The following CFAP44 variants were observed in gnomAD, a reference collection of about 807,000 sequenced individuals.
The protein encoded by CFAP44 is cilia- and flagella-associated protein 44.
CFAP44 carries 134 observed loss-of-function variants against 216.2 expected under a neutral mutation model. The ratio of observed to expected loss-of-function variants is 0.62; its 90% CI spans 0.54 to 0.72. CFAP44 has a LOEUF of 0.72. CFAP44 is among the 30% of genes least tolerant of loss of function. CFAP44 has a pLI of 0.00. For synonymous variants in CFAP44, 700 were observed against 727.6 expected (o/e 0.96, Z 0.61); for missense variants, 2,035 against 2,182.1 (o/e 0.93, Z 1.34).
At position 113,314,776 on chromosome 3, in the gene CFAP44, G is replaced by A. The variant is rs563510677; in HGVS notation, c.4517-6508C>T. 1.2e-4 allele frequency among the ~76,000 whole-genome samples: 19 copies of A among 152,250 alleles called. No individual in the cohort carries two copies. The East Asian group carries it at 3.7e-3, about 29-fold the overall frequency. Reference sequence around the variant, plus strand: ...GGAGGGTAAAGGGATGTAATGGTAAGTAAGGTTTTTGTACTTCACTTAAAC... The same window carrying A: ...GGAGGGTAAAGGGATGTAATGGTAAATAAGGTTTTTGTACTTCACTTAAAC... On this transcript the variant is annotated intron_variant, in intron 28 of 34. Transcript: ENST00000393845.
intron 6 of CFAP44, among the ~76,000 whole-genome samples, chr3:113,411,546 T>C (rs1934473039): frequency 6.6e-6 from 1 of 152,228 alleles, no homozygotes; most frequent in African/African-American, 2.4e-5. Flanking sequence ...TTGGTTACTG[T>C]AGCCTTGTAG....
chr3:113,307,390 A>G (rs1213477024), intron 29 of CFAP44, among the ~76,000 whole-genome samples: 2 of 152,224 alleles, frequency 1.3e-5, no homozygotes, highest in African/African-American at 2.4e-5. Flanking sequence ...CAGATAATAA[A>G]TCACCCAGAG....
chr3:113,318,182 G>A (rs886533100), intron 28 of CFAP44, among the ~76,000 whole-genome samples: 2 of 152,012 alleles, frequency 1.3e-5, no homozygotes, highest in African/African-American at 2.4e-5. Flanking sequence ...TCCAAGAGCC[G>A]AAAGATGAAA....
chr3:113,390,912 T>C (rs764586551), intron 15 of CFAP44, among the ~76,000 whole-genome samples: 3 of 152,138 alleles, frequency 2.0e-5, no homozygotes, highest in Non-Finnish European at 4.4e-5. Context: ...AAAATGTCCA[T>C]AGTATCTAAA....
intron 15 of CFAP44, among the ~76,000 whole-genome samples, chr3:113,384,081 C>T (rs914300745): frequency 6.7e-5 from 10 of 149,600 alleles, no homozygotes; most frequent in Non-Finnish European, 1.0e-4. Context: ...TCTTCTGAGA[C>T]GGAGTCTTGC....
At chr3:113,425,646 A>G (rs1346478493) in intron 4 of CFAP44, among the ~76,000 whole-genome samples, 1 of 152,236 alleles carries the variant, frequency 6.6e-6, no homozygotes, top group Non-Finnish European at 1.5e-5. Context: ...GGCACTGACA[A>G]AAGTAAATGG....
At chr3:113,333,604 C>A in intron 24 of CFAP44, 21 bp from the exon 25 acceptor site, 1 of 1,490,632 alleles carries the variant, frequency 6.7e-7, no homozygotes, top group Non-Finnish European at 8.9e-7. Flanking sequence ...AACAGACAAC[C>A]CCCCCACACA....
chr3:113,408,987 C>A (rs1934372953), intron 7 of CFAP44, 119 bp downstream of exon 7: 81 of 619,864 alleles, frequency 1.3e-4, no homozygotes, highest in Admixed American at 2.1e-4. Flanking sequence ...TTAAATAATT[C>A]TAATGTTAAC....
chr3:113,333,656 G>T, intron 24 of CFAP44, 73 bp from the exon 25 acceptor site: 1 of 1,340,064 alleles, frequency 7.5e-7, no homozygotes, highest in Non-Finnish European at 9.6e-7. Flanking sequence ...TTTAATATAG[G>T]CATATATTCA....
At chr3:113,425,572 A>G (rs1386055966) in intron 4 of CFAP44, among the ~76,000 whole-genome samples, 1 of 152,208 alleles carries the variant, frequency 6.6e-6, no homozygotes, top group Non-Finnish European at 1.5e-5. Flanking sequence ...TGAAAGTACT[A>G]ATGCCTTACA....
chr3:113,317,696 G>A (rs939151811), intron 28 of CFAP44, among the ~76,000 whole-genome samples: 3 of 152,216 alleles, frequency 2.0e-5, no homozygotes, highest in Non-Finnish European at 4.4e-5. Context: ...TTGAGCTGGG[G>A]AGGAGCCCTC....
intron 7 of CFAP44, among the ~76,000 whole-genome samples, chr3:113,408,565 A>T (rs1228852204): frequency 1.3e-5 from 2 of 152,208 alleles, no homozygotes; most frequent in East Asian, 3.8e-4. Context: ...AGCAGGCTAT[A>T]TTTAAAAATC....
chr3:113,300,062 C>T (rs917685259), intron 32 of CFAP44, among the ~76,000 whole-genome samples: 2 of 152,118 alleles, frequency 1.3e-5, no homozygotes. Context: ...TTTGCAAGAA[C>T]ATGTATGGAT....
intron 4 of CFAP44, 69 bp downstream of exon 4, chr3:113,426,055 A>G (rs1026874805): frequency 4.9e-5 from 76 of 1,560,382 alleles, no homozygotes; most frequent in Non-Finnish European, 6.2e-5. Flanking sequence ...TCCCTGGGCT[A>G]TAGTTTGCTG....
chr3:113,363,363 G>A, intron 20 of CFAP44, 56 bp from the exon 21 acceptor site: 1 of 1,571,852 alleles, frequency 6.4e-7, no homozygotes, highest in Non-Finnish European at 8.6e-7. Flanking sequence ...AGCAGAGAAA[G>A]AGAAAATTAG....
chr3:113,331,535 C>G (rs1393391202), intron 25 of CFAP44, among the ~76,000 whole-genome samples: 1 of 152,124 alleles, frequency 6.6e-6, no homozygotes, highest in Non-Finnish European at 1.5e-5. Context: ...ACACAGAAAA[C>G]TGTATCAAGA....
chr3:113,381,213 T>A lies in CFAP44; in HGVS notation c.1891-153A>T, dbSNP rs180838428. ...TGCAGTTATTGGTAAAAAGTCAAGT[T>A]TATTAATAATTATTATATTGTCATA... On this transcript the variant is annotated intron_variant, in intron 15 of 34. Coordinates refer to ENST00000393845, the MANE Select transcript of CFAP44 (RefSeq NM_001164496.2). 1.2e-3 allele frequency among the ~76,000 whole-genome samples: 181 copies of A among 152,188 alleles called. 3 individuals carry two copies. Among genetic ancestry groups the A allele is most frequent in the Admixed American group, 0.011 (166 of 15,298 alleles).
intron 32 of CFAP44, among the ~76,000 whole-genome samples, chr3:113,302,948 A>T (rs982891761): frequency 1.3e-5 from 2 of 152,198 alleles, no homozygotes. Flanking sequence ...GTTACAGAAA[A>T]TAAAATAAAT....
intron 22 of CFAP44, among the ~76,000 whole-genome samples, chr3:113,351,295 T>C (rs1019278250): frequency 9.2e-5 from 14 of 152,206 alleles, no homozygotes; most frequent in African/African-American, 2.4e-5. Flanking sequence ...ATTCTAACTC[T>C]AATCTTGAGG....
Sources: allele counts gnomAD v4.1 joint callset (sites outside exome capture counted in the v4.1 genomes callset), GRCh38; gene constraint gnomAD v4.1.1; transcripts MANE v1.5; gene names NCBI Gene and HGNC (gene_info 2026-07-23, HGNC 2026-07-21).